Variants in OXR1 observed in about 807,000 individuals in gnomAD.
OXR1 encodes the protein oxidation resistance protein 1.
Under a neutral mutation model 104.6 loss-of-function variants are expected in OXR1, and 41 were observed. The ratio of observed to expected loss-of-function variants is 0.39; its 90% confidence interval spans 0.31 to 0.51. The LOEUF (loss-of-function observed/expected upper bound fraction) is 0.51. OXR1 is among the 20% of genes least tolerant of loss of function. OXR1 has a pLI of 0.77. For synonymous variants in OXR1, 348 were observed against 348.4 expected (o/e 1.00, Z 0.01); for missense variants, 955 against 1,031.9 (o/e 0.93, Z 1.02).
chr8:106,310,371 T>C (rs1047598779), intron 1 of OXR1, among the ~76,000 whole-genome samples: 1 of 152,160 alleles, frequency 6.6e-6, no homozygotes, highest in African/African-American at 2.4e-5. Context: ...CAGACAGTTG[T>C]TTCCTGGTTG....
Position 106,643,826 on chromosome 8 carries a change from A to G in OXR1, c.221-35384A>G, listed in dbSNP as rs148727384. The stretch of plus-strand genomic sequence containing the variant: ...TTGATGACCCAATCCATAAAAATGA[A>G]AGGCTTGACTAGATAAACACCAAGG... On this transcript the variant is annotated intron_variant, in intron 3 of 16. Transcript: ENST00000517566. 7.0e-4 allele frequency among the ~76,000 whole-genome samples: 106 copies of G among 152,276 alleles called. 1 individual carries two copies. The highest frequency in any genetic ancestry group is 2.4e-3 in the African/African-American group (101 of 41,550).
At chr8:106,413,907 TA>T (rs1818563656) in intron 2 of OXR1, among the ~76,000 whole-genome samples, 1 of 151,952 alleles carries the variant, frequency 6.6e-6, no homozygotes, top group African/African-American at 2.4e-5. Context: ...AAAATATTTT[TA>T]GTAGAGACAG....
At chr8:106,478,281 A>G (rs1189146694) in intron 2 of OXR1, among the ~76,000 whole-genome samples, 1 of 151,892 alleles carries the variant, frequency 6.6e-6, no homozygotes, top group Admixed American at 6.6e-5. Flanking sequence ...CACAAAGCAC[A>G]CTATCCTTAA....
intron 3 of OXR1, among the ~76,000 whole-genome samples, chr8:106,608,331 A>G (rs1228948577): frequency 6.6e-6 from 1 of 151,286 alleles, no homozygotes; most frequent in Non-Finnish European, 1.5e-5. Flanking sequence ...AAAAACGATG[A>G]AAAAAAAATC....
intron 1 of OXR1, among the ~76,000 whole-genome samples, chr8:106,276,772 A>C (rs1424550934): frequency 6.8e-6 from 1 of 148,092 alleles, no homozygotes; most frequent in Non-Finnish European, 1.5e-5. Context: ...AAAAAAAAAA[A>C]GGTAACTGAT....
chr8:106,485,456 G>C (rs2129788984), intron 2 of OXR1, among the ~76,000 whole-genome samples: 1 of 152,174 alleles, frequency 6.6e-6, no homozygotes, highest in South Asian at 2.1e-4. Context: ...CTAGAGCAGA[G>C]CACTCAATAA....
chr8:106,746,729 G>A (rs968201413), intron 16 of OXR1, among the ~76,000 whole-genome samples: 1 of 152,066 alleles, frequency 6.6e-6, no homozygotes, highest in African/African-American at 2.4e-5. Context: ...GGTTATTGTA[G>A]CCTTCTCTGT....
chr8:106,302,955 G>A (rs1451405286), intron 1 of OXR1, among the ~76,000 whole-genome samples: 3 of 151,686 alleles, frequency 2.0e-5, no homozygotes, highest in East Asian at 2.0e-4. Context: ...GGGTTTCACC[G>A]TGTTAGCCAG....
chr8:106,334,233 G>GT (rs1386712595), intron 1 of OXR1, among the ~76,000 whole-genome samples: 7 of 151,986 alleles, frequency 4.6e-5, no homozygotes, highest in African/African-American at 1.2e-4. Context: ...TTTAAATGAA[G>GT]TTTTTTTTAA....
intron 1 of OXR1, chr8:106,272,108 A>G (rs916259898): frequency 2.0e-5 from 3 of 152,184 alleles, no homozygotes; most frequent in Admixed American, 1.3e-4. Flanking sequence ...CGAAAAAAGA[A>G]AACACTACGT....
chr8:106,401,417 T>A (rs1817995309), intron 2 of OXR1, among the ~76,000 whole-genome samples: 1 of 152,196 alleles, frequency 6.6e-6, no homozygotes, highest in South Asian at 2.1e-4. Context: ...AGAGTAGTTA[T>A]CTACGTGTGA....
At chr8:106,305,716 A>C (rs1300092933) in intron 1 of OXR1, among the ~76,000 whole-genome samples, 4 of 152,064 alleles carry the variant, frequency 2.6e-5, no homozygotes, top group Non-Finnish European at 5.9e-5. Flanking sequence ...CTCCAGGCCC[A>C]ATATCTCTTC....
intron 3 of OXR1, among the ~76,000 whole-genome samples, chr8:106,603,687 A>T (rs1296915690): frequency 6.6e-6 from 1 of 152,188 alleles, no homozygotes; most frequent in African/African-American, 2.4e-5. Context: ...GAAAGGTTTG[A>T]ATAGAGCTTT....
At chr8:106,450,816 A>G (rs551991564) in intron 2 of OXR1, among the ~76,000 whole-genome samples, 1 of 151,690 alleles carries the variant, frequency 6.6e-6, no homozygotes, top group East Asian at 1.9e-4. Flanking sequence ...TTTGGCACCG[A>G]TTGATAATTT....
rs555495059 is a variant in OXR1, at chr8:106,546,217, T to C, written c.220+27078T>C. The stretch of plus-strand genomic sequence containing the variant: ...TCATTTCGTGCTTTACCCACCACAG[T>C]TTTTGTTAGATACCTCTGGCATGTA... On this transcript the variant is annotated intron_variant, in intron 3 of 16. Coordinates refer to ENST00000517566, the MANE Select transcript of OXR1 (RefSeq NM_001198533.2). Among the ~76,000 whole-genome samples the C allele has an allele frequency of 5.5e-4, 84 of 152,268 alleles. 1 individual carries two copies. Among genetic ancestry groups the C allele is most frequent in the Non-Finnish European group, 1.0e-3 (71 of 68,022 alleles).
At chr8:106,406,286 A>C (rs946012856) in intron 2 of OXR1, among the ~76,000 whole-genome samples, 7 of 152,206 alleles carry the variant, frequency 4.6e-5, no homozygotes, top group African/African-American at 1.7e-4. Context: ...AGTTGACTTA[A>C]TAGAAGTTCA....
chr8:106,476,116 CACTG>C (rs1187184382), intron 2 of OXR1, among the ~76,000 whole-genome samples: 2 of 151,796 alleles, frequency 1.3e-5, no homozygotes. Context: ...TCTTGCATAA[CACTG>C]ACAACTCTTT....
At chr8:106,445,997 G>A (rs1819998890) in intron 2 of OXR1, among the ~76,000 whole-genome samples, 1 of 152,238 alleles carries the variant, frequency 6.6e-6, no homozygotes, top group Non-Finnish European at 1.5e-5. Context: ...ACTATCTGCA[G>A]AGGGAAGCAA....
intron 3 of OXR1, among the ~76,000 whole-genome samples, chr8:106,553,521 T>C (rs1355734132): frequency 6.6e-6 from 1 of 152,034 alleles, no homozygotes; most frequent in African/African-American, 2.4e-5. Context: ...GGTTTTGCCA[T>C]GTTGCCCAGG....
Sources: allele counts gnomAD v4.1 joint callset (sites outside exome capture counted in the v4.1 genomes callset), GRCh38; gene constraint gnomAD v4.1.1; transcripts MANE v1.5; gene names NCBI Gene and HGNC (gene_info 2026-07-23, HGNC 2026-07-21).